The following NOP14 variants were observed in gnomAD, a reference collection of about 807,000 sequenced individuals.
The protein encoded by NOP14 is nucleolar protein 14.
NOP14 carries 57 observed loss-of-function variants against 101.6 expected under a neutral mutation model. The observed-to-expected ratio is 0.56, with a 90% CI of 0.45 to 0.70. NOP14 has a LOEUF of 0.70. NOP14 is among the 30% of genes least tolerant of loss of function. The probability of loss-of-function intolerance (pLI) is 0.00; values close to 1 mark genes in which losing one functional copy is unlikely to be tolerated. For missense variants in NOP14, 1,134 were observed against 1,075.5 expected, an observed-to-expected ratio of 1.05 and a Z score of -0.76; for synonymous variants, 428 against 424.0, an observed-to-expected ratio of 1.01 and a Z score of -0.12.
At chr4:2,950,381 C>CTT (rs1326262714) in intron 7 of NOP14, 168 bp from the exon 8 acceptor site, 1 of 677,796 alleles carries the variant, frequency 1.5e-6, no homozygotes, top group African/African-American at 1.8e-5. Context: ...CTGCCCACCA[C>CTT]CCGCTTCTAG....
chr4:2,939,845 G>C (rs909941025), intron 15 of NOP14, among the ~76,000 whole-genome samples, 200 bp from the exon 16 acceptor site: 1 of 152,236 alleles, frequency 6.6e-6, no homozygotes, highest in African/African-American at 2.4e-5. Context: ...GGCACAGCCG[G>C]AACGAAGTAA....
intron 9 of NOP14, 56 bp downstream of exon 9, chr4:2,948,222 C>G (rs1714788549): frequency 4.6e-6 from 7 of 1,522,654 alleles, no homozygotes; most frequent in Non-Finnish European, 5.3e-6. Context: ...TTCTGGCATT[C>G]ATATACGGGG....
At chr4:2,961,332 CTT>C (rs1257228922) in intron 1 of NOP14, 2 of 6,156 alleles carry the variant, frequency 3.2e-4, no homozygotes, top group East Asian at 0.012. Flanking sequence ...ATTAATATAA[CTT>C]ATTTTATAAA....
At chr4:2,941,751 G>T in intron 14 of NOP14, 22 bp from the exon 15 acceptor site, 1 of 1,608,078 alleles carries the variant, frequency 6.2e-7, no homozygotes, top group Non-Finnish European at 8.5e-7. Context: ...GGAGGCAAGA[G>T]GAGGTCCAAC....
chr4:2,953,407 A>T, intron 5 of NOP14, 104 bp downstream of exon 5: 1 of 1,282,236 alleles, frequency 7.8e-7, no homozygotes, highest in Non-Finnish European at 1.1e-6. Flanking sequence ...ACTTGCCCTA[A>T]AGGAGACAGG....
At chr4:2,947,822 G>C (rs1171606565) in intron 9 of NOP14, 4 of 600,474 alleles carry the variant, frequency 6.7e-6, no homozygotes, top group Non-Finnish European at 1.2e-5. Flanking sequence ...AGAAAGCTAA[G>C]GGCAAGGCGC....
intron 13 of NOP14, among the ~76,000 whole-genome samples, 175 bp from the exon 14 acceptor site, chr4:2,942,526 G>A (rs761436734): frequency 3.3e-5 from 5 of 152,228 alleles, no homozygotes; most frequent in Non-Finnish European, 7.3e-5. Flanking sequence ...CCTCAGGGGA[G>A]GGGAAAAGCT....
intron 2 of NOP14, among the ~76,000 whole-genome samples, 177 bp downstream of exon 2, chr4:2,957,429 T>C (rs1025098387): frequency 2.0e-5 from 3 of 152,218 alleles, no homozygotes; most frequent in African/African-American, 7.2e-5. Flanking sequence ...AGCTAACATT[T>C]GCAGAAGAGG....
chr4:2,955,209 C>T (rs1450656729), intron 3 of NOP14, among the ~76,000 whole-genome samples: 1 of 64,794 alleles, frequency 1.5e-5, no homozygotes, highest in East Asian at 3.9e-4. Flanking sequence ...TGGACCACGG[C>T]GCCCCCTCTA....
intron 8 of NOP14, 86 bp downstream of exon 8, chr4:2,949,848 C>T: frequency 6.6e-7 from 1 of 1,506,050 alleles, no homozygotes; most frequent in African/African-American, 1.4e-5. Flanking sequence ...ACAAATGCAA[C>T]CCCTGGGAGG....
chr4:2,954,962 C>T (rs1185901992), intron 3 of NOP14, among the ~76,000 whole-genome samples: 1 of 152,070 alleles, frequency 6.6e-6, no homozygotes, highest in Non-Finnish European at 1.5e-5. Context: ...GGCCTGGAGA[C>T]TCTAGTCACC....
At chr4:2,943,988 C>G in intron 13 of NOP14, 85 bp downstream of exon 13, 1 of 1,170,310 alleles carries the variant, frequency 8.5e-7, no homozygotes, top group South Asian at 1.5e-5. Context: ...TTCGCATATT[C>G]TAAACTTTCT....
rs763918060 is a variant in NOP14 at position 2,952,326 on chromosome 4, C to T, written c.819G>A (p.Lys273=). 5 of 1,613,932 alleles carry T rather than the reference C, an allele frequency of 3.1e-6. No individual in the cohort carries two copies. The highest frequency in any genetic ancestry group is 3.4e-6 in the Non-Finnish European group (4 of 1,179,840). Residue 273 remains lysine, a synonymous_variant, in exon 6 of 18, where the codon AAG becomes AAA. Transcript: ENST00000416614. The part of the protein sequence containing the change: ...EMKAQPSNRM[K]TEAELAKEEQ... ...CTTCCTTTGCCAATTCTGCCTCCGT[C>T]TTCATCCTGTTAGAGGGCTGCGCCT...
At position 2,941,597 on chromosome 4, in the gene NOP14, G is replaced by T; in HGVS notation, c.2184C>A (p.His728Gln). The T allele has an allele frequency of 6.2e-7, 1 of 1,612,526 alleles. No individual in the cohort carries two copies. Among genetic ancestry groups the T allele is most frequent in the Non-Finnish European group, 8.5e-7 (1 of 1,179,860 alleles). ...LLTDHLADCS[H>Q]PQELQELCQS... Reference sequence around the variant, plus strand: ...GAAGCCTCACCTGGAGCTCCTGCGGGTGGCTGCAGTCCGCCAGGTGATCCG... The same window carrying T: ...GAAGCCTCACCTGGAGCTCCTGCGGTTGGCTGCAGTCCGCCAGGTGATCCG... The change falls in exon 15 of 18, where the codon CAC becomes CAA. Residue 728 changes from histidine (H) to glutamine (Q), a missense_variant. By Grantham distance (24) the His-to-Gln change is conservative. Transcript: ENST00000416614.
intron 15 of NOP14, chr4:2,941,314 G>C: frequency 4.4e-6 from 2 of 457,470 alleles, no homozygotes; most frequent in South Asian, 4.7e-5. Flanking sequence ...GGGCGCTGGT[G>C]CACCCTCCGT....
In NOP14 at chr4:2,938,350, G is replaced by A. The variant is rs376205605; in HGVS notation, c.*481C>T. The stretch of plus-strand genomic sequence containing the variant: ...AGCCTGACCAACATGGAGAAACCCC[G>A]TCTCTACTAAAAATACAAAATTAGC... On this transcript the variant is annotated 3_prime_UTR_variant, in exon 18 of 18. Transcript: ENST00000416614. 1.5e-4 allele frequency: 77 copies of A among 514,166 alleles called. 2 individuals are homozygous for A. The East Asian group carries it at 3.6e-3, about 24-fold the overall frequency. 31.9% of individuals were successfully genotyped at this position (514,166 alleles called of 1,614,324 possible).
At position 2,942,288 on chromosome 4, in the gene NOP14, G is replaced by A; in HGVS notation, c.1955C>T (p.Ala652Val). Residue 652 changes from alanine to valine, a missense_variant, in exon 14 of 18, where the codon GCT (alanine) becomes GTT (valine). Ala to Val is a moderately conservative substitution (Grantham distance 64). Transcript: ENST00000416614. ...GKNSELLVVS[A>V]REDVATWQQS... ...CTGCCACGTGGCCACATCCTCTCTA[G>A]CAGACACCACGAGCAGTTCCGAGTT... The A allele has an allele frequency of 6.2e-7, 1 of 1,614,150 alleles. No individual in the cohort carries two copies.
At chr4:2,951,740 G>T (rs936910835) in intron 6 of NOP14, among the ~76,000 whole-genome samples, 1 of 152,234 alleles carries the variant, frequency 6.6e-6, no homozygotes, top group African/African-American at 2.4e-5. Flanking sequence ...GTGGTGGGAG[G>T]ATCAGCTGAG....
At chr4:2,949,894 G>C in intron 8 of NOP14, 40 bp downstream of exon 8, 1 of 1,611,636 alleles carries the variant, frequency 6.2e-7, no homozygotes, top group East Asian at 2.2e-5. Flanking sequence ...AGGTCATAAA[G>C]GTTATCCCAG....
Sources: allele counts gnomAD v4.1 joint callset (sites outside exome capture counted in the v4.1 genomes callset), GRCh38; gene constraint gnomAD v4.1.1; transcripts MANE v1.5; gene names NCBI Gene and HGNC (gene_info 2026-07-23, HGNC 2026-07-21).